FAM219A: variants seen among roughly 807,000 people sequenced by gnomAD.
FAM219A encodes protein FAM219A.
FAM219A carries 7 observed loss-of-function variants against 23.4 expected under a neutral mutation model. The ratio of observed to expected loss-of-function variants is 0.30; its 90% CI spans 0.17 to 0.56. FAM219A has a LOEUF of 0.56. Ranked by LOEUF, FAM219A falls within the 20% of genes least tolerant of loss-of-function variation. The pLI is 0.92. For missense variants in FAM219A, 166 were observed against 246.9 expected (o/e 0.67, Z 2.20); for synonymous variants, 93 against 99.0 (o/e 0.94, Z 0.36).
chr9:34,418,969 G>A (rs920007374), intron 1 of FAM219A, among the ~76,000 whole-genome samples: 1 of 152,096 alleles, frequency 6.6e-6, no homozygotes, highest in Non-Finnish European at 1.5e-5. Context: ...CAACTACTCA[G>A]GAGGCTGAGG....
chr9:34,446,031 G>C (rs953063114), intron 1 of FAM219A, among the ~76,000 whole-genome samples: 1 of 152,024 alleles, frequency 6.6e-6, no homozygotes, highest in Non-Finnish European at 1.5e-5. Context: ...AAATTAGCTG[G>C]GTGTGGTGGT....
intron 1 of FAM219A, among the ~76,000 whole-genome samples, chr9:34,434,430 T>C (rs1232090847): frequency 6.6e-6 from 1 of 152,294 alleles, no homozygotes; most frequent in East Asian, 1.9e-4. Flanking sequence ...TTTTATTTCA[T>C]TTAATCTCTG....
In FAM219A at chr9:34,398,584, T is replaced by TG. The variant is rs770663884; in HGVS notation, c.*2379dup. On this transcript the variant is annotated 3_prime_UTR_variant, in exon 6 of 6. Transcript: ENST00000651358. Reference sequence around the variant, plus strand: ...CCTGCCAGGGAACTAGTATGTCCTGTGGGGGGGGAGATTTTCCCTGGTGTC... The same window carrying TG: ...CCTGCCAGGGAACTAGTATGTCCTGTGGGGGGGGGAGATTTTCCCTGGTGTC... 7.8e-4 allele frequency: 448 copies of TG among 573,620 alleles called. 1 individual carries two copies. The highest frequency in any genetic ancestry group is 2.3e-3 in the South Asian group (108 of 46,406). The allele number at this position is 573,620 out of a possible 1,614,324, so 35.5% of individuals were successfully genotyped here.
intron 5 of FAM219A, among the ~76,000 whole-genome samples, 177 bp from the exon 6 acceptor site, chr9:34,401,299 G>T (rs977626826): frequency 6.6e-6 from 1 of 152,064 alleles, no homozygotes; most frequent in Non-Finnish European, 1.5e-5. Flanking sequence ...GCCCTCCTTC[G>T]CCTCTGGCCT....
intron 1 of FAM219A, among the ~76,000 whole-genome samples, chr9:34,438,559 T>C (rs1823025412): frequency 6.6e-6 from 1 of 152,204 alleles, no homozygotes; most frequent in East Asian, 1.9e-4. Flanking sequence ...AGAACCTTTA[T>C]GTCTAGCTCA....
intron 1 of FAM219A, among the ~76,000 whole-genome samples, chr9:34,440,157 A>G (rs1027168189): frequency 2.0e-5 from 3 of 152,190 alleles, no homozygotes; most frequent in Non-Finnish European, 4.4e-5. Flanking sequence ...CTGTCACTGC[A>G]GACCCCTATG....
chr9:34,406,522 A>T (rs1226577847), intron 1 of FAM219A: 1 of 982,164 alleles, frequency 1.0e-6, no homozygotes, highest in Non-Finnish European at 1.2e-6. Context: ...TCTAATGAGG[A>T]CTTCTCCAGT....
chr9:34,441,596 G>C (rs954879477), intron 1 of FAM219A, among the ~76,000 whole-genome samples: 1 of 152,150 alleles, frequency 6.6e-6, no homozygotes, highest in East Asian at 1.9e-4. Context: ...TGATACCTGT[G>C]GGGGTATGAA....
chr9:34,399,181 C>T lies in FAM219A; in HGVS notation c.*1783G>A, dbSNP rs1821334068. On this transcript the variant is annotated 3_prime_UTR_variant, in exon 6 of 6. Coordinates refer to ENST00000651358, the MANE Select transcript of FAM219A (RefSeq NM_001184940.2). ...GTGAGTGGATCCATGGGAGTGGATC[C>T]ACCAGCACATGTGGGGTGTTAGCAT... The T allele has an allele frequency of 1.3e-5, 2 of 152,186 alleles. No individual in the cohort carries two copies. The highest frequency in any genetic ancestry group is 4.1e-4 in the South Asian group (2 of 4,830). The allele number at this position is 152,186 out of a possible 1,614,324, so 9.4% of individuals were successfully genotyped here. A position where few individuals can be genotyped will look rare whatever the true frequency, so the allele number is the denominator to read the frequency against.
At chr9:34,413,421 C>A (rs191227317) in intron 1 of FAM219A, among the ~76,000 whole-genome samples, 28 of 152,248 alleles carry the variant, frequency 1.8e-4, no homozygotes, top group Non-Finnish European at 1.0e-4. Context: ...GGATGAAAGG[C>A]GCTCTCCGTG....
intron 1 of FAM219A, among the ~76,000 whole-genome samples, chr9:34,416,256 AAAGG>A (rs1392925594): frequency 2.5e-5 from 3 of 119,472 alleles, no homozygotes; most frequent in African/African-American, 6.5e-5. Flanking sequence ...AGAAAGAAAG[AAAGG>A]GGGAGGGAGG....
intron 1 of FAM219A, among the ~76,000 whole-genome samples, chr9:34,415,481 G>C (rs1204548465): frequency 6.6e-6 from 1 of 152,198 alleles, no homozygotes; most frequent in South Asian, 2.1e-4. Context: ...AAGTTTTATA[G>C]ATTTTTCTAC....
chr9:34,449,094 G>A (rs1823473557), intron 1 of FAM219A, among the ~76,000 whole-genome samples: 1 of 152,044 alleles, frequency 6.6e-6, no homozygotes, highest in South Asian at 2.1e-4. Context: ...AGCACTTTGG[G>A]AGGACATGGC....
chr9:34,454,472 C>T (rs905361935), intron 1 of FAM219A, among the ~76,000 whole-genome samples: 1 of 152,102 alleles, frequency 6.6e-6, no homozygotes, highest in African/African-American at 2.4e-5. Flanking sequence ...CAGGAAGAGA[C>T]CCTGGGGAGC....
intron 1 of FAM219A, among the ~76,000 whole-genome samples, chr9:34,422,784 G>A (rs896869218): frequency 6.6e-6 from 1 of 152,180 alleles, no homozygotes; most frequent in East Asian, 1.9e-4. Context: ...AAAAGGAGAT[G>A]AAAGGGGCCT....
intron 1 of FAM219A, among the ~76,000 whole-genome samples, chr9:34,447,243 T>C (rs1000385702): frequency 5.3e-5 from 8 of 152,274 alleles, no homozygotes; most frequent in African/African-American, 1.9e-4. Flanking sequence ...GCCTTGATTT[T>C]ACACTGCTAA....
chr9:34,419,234 C>G (rs1001825400), intron 1 of FAM219A, among the ~76,000 whole-genome samples: 1 of 152,022 alleles, frequency 6.6e-6, no homozygotes. Context: ...GGGGAGGAGG[C>G]AGTCCCTTCC....
Position 34,401,030 on chromosome 9 carries a change from G to C in FAM219A, c.492C>G (p.Pro164=), listed in dbSNP as rs202019820. 5.9e-5 allele frequency: 94 copies of C among 1,602,946 alleles called. No individual in the cohort carries two copies. The highest frequency in any genetic ancestry group is 7.7e-5 in the Non-Finnish European group (90 of 1,173,932). The change falls in exon 6 of 6, where the codon CCC becomes CCG. Residue 164 remains proline (P), a synonymous_variant. Coordinates refer to ENST00000651358, the MANE Select transcript of FAM219A (RefSeq NM_001184940.2). ...ACATGCACGTGGGGTTCACGGACTTGGGGGGGATGAGGTCTAGGTCCTCGT... is the reference window on the plus strand; with the variant it reads ...ACATGCACGTGGGGTTCACGGACTTCGGGGGGATGAGGTCTAGGTCCTCGT... The part of the protein sequence containing the change: ...PDDEDLDLIP[P]KSVNPTCMCC...
At position 34,398,377 on chromosome 9, in the gene FAM219A, G is replaced by A. The variant is rs1271681064; in HGVS notation, c.*2587C>T. On this transcript the variant is annotated 3_prime_UTR_variant, in exon 6 of 6. Transcript: ENST00000651358. ...GCAGCCACAGCTGAGAGAGGAGGGA[G>A]TGTTAAGGCAGTATCTACAAGGGGA... 3 of 1,550,244 alleles carry A rather than the reference G, an allele frequency of 1.9e-6. No homozygotes were observed. The highest frequency in any genetic ancestry group is 1.4e-5 in the African/African-American group (1 of 73,024).
Sources: gnomAD v4.1 joint callset for allele counts (sites outside exome capture counted in the v4.1 genomes callset) on GRCh38, gnomAD v4.1.1 for gene constraint, MANE v1.5 for transcripts, NCBI Gene and HGNC (gene_info 2026-07-23, HGNC 2026-07-21) for gene names.